The following CHN2 variants were observed in gnomAD, a reference collection of about 807,000 sequenced individuals.
CHN2 encodes beta-chimaerin.
In CHN2, 35 loss-of-function variants were observed where a neutral mutation model predicts 56.3. The observed-to-expected ratio is 0.62, with a 90% CI of 0.47 to 0.82. The LOEUF (loss-of-function observed/expected upper bound fraction) is 0.82, where lower values mean the gene tolerates loss of function less well. CHN2 is among the 40% of genes least tolerant of loss of function. CHN2 has a pLI of 0.00. For synonymous variants in CHN2, 210 were observed against 212.8 expected (o/e 0.99, Z 0.12); for missense variants, 491 against 580.5 (o/e 0.85, Z 1.58).
chr7:29,499,816 G>A (rs773149881), intron 8 of CHN2, 51 bp from the exon 9 acceptor site: 15 of 1,483,300 alleles, frequency 1.0e-5, no homozygotes, highest in Non-Finnish European at 1.3e-5. Flanking sequence ...AATTTGTGTT[G>A]TGCTTTGACA....
intron 1 of CHN2, among the ~76,000 whole-genome samples, chr7:29,223,369 C>T (rs1785946581): frequency 6.6e-6 from 1 of 152,132 alleles, no homozygotes; most frequent in South Asian, 2.1e-4. Flanking sequence ...CCTTCTCATA[C>T]CATCCAGGTA....
chr7:29,440,902 CTTA>C (rs1783599894), intron 6 of CHN2, among the ~76,000 whole-genome samples: 1 of 151,386 alleles, frequency 6.6e-6, no homozygotes. Context: ...GATACTAGAA[CTTA>C]TTTTTTGTTT....
intron 4 of CHN2, chr7:29,396,707 CCCCCCACACCCA>C (rs1275085132): frequency 2.5e-5 from 3 of 119,450 alleles, no homozygotes; most frequent in African/African-American, 9.4e-5. Context: ...GCATGTCCCT[CCCCCCACACCCA>C]CCCCCACACT....
intron 6 of CHN2, among the ~76,000 whole-genome samples, chr7:29,407,068 G>A (rs141642077): frequency 1.4e-4 from 21 of 152,212 alleles, no homozygotes; most frequent in African/African-American, 5.1e-4. Context: ...TCCTTCACTG[G>A]GCTAAGATCT....
At chr7:29,315,673 CA>C (rs1316199415) in intron 1 of CHN2, among the ~76,000 whole-genome samples, 1 of 152,034 alleles carries the variant, frequency 6.6e-6, no homozygotes. Context: ...ATAAACGATT[CA>C]TTTTTTTTTC....
At chr7:29,227,415 G>A (rs189711270) in intron 1 of CHN2, among the ~76,000 whole-genome samples, 190 of 152,288 alleles carry the variant, frequency 1.2e-3, no homozygotes, top group African/African-American at 4.3e-3. Flanking sequence ...CTGCTGTCTA[G>A]AACTACTCCT....
intron 2 of CHN2, among the ~76,000 whole-genome samples, chr7:29,158,807 A>G (rs1794783721): frequency 6.6e-6 from 1 of 152,200 alleles, no homozygotes; most frequent in South Asian, 2.1e-4. Flanking sequence ...CCTATTTTAA[A>G]TATTTACAGA....
At position 29,502,741 on chromosome 7, in the gene CHN2, A is replaced by AT. The variant is rs997639176; in HGVS notation, c.914-1992dup. Among the ~76,000 whole-genome samples the AT allele has an allele frequency of 9.5e-3, 1,394 of 146,586 alleles. 13 individuals are homozygous for AT. Among genetic ancestry groups the AT allele is most frequent in the Middle Eastern group, 0.031 (9 of 288 alleles). On this transcript the variant is annotated intron_variant, in intron 9 of 12. Coordinates refer to ENST00000222792, the MANE Select transcript of CHN2 (RefSeq NM_004067.4). ...ACTTGGCATATTATATAAGGCATAG[A>AT]TTTTTTTTTTTAAAAGTGACGGGAT...
intron 6 of CHN2, among the ~76,000 whole-genome samples, chr7:29,419,672 A>G (rs1804135657): frequency 6.6e-6 from 1 of 152,246 alleles, no homozygotes; most frequent in African/African-American, 2.4e-5. Context: ...CAATTTAAAA[A>G]TGGGCAAAGG....
At chr7:29,448,841 T>C (rs1784207993) in intron 6 of CHN2, among the ~76,000 whole-genome samples, 1 of 152,208 alleles carries the variant, frequency 6.6e-6, no homozygotes, top group African/African-American at 2.4e-5. Context: ...TGCTCTGTAT[T>C]ATAATTGTTT....
intron 6 of CHN2, among the ~76,000 whole-genome samples, chr7:29,462,552 A>G (rs1012927921): frequency 3.3e-5 from 5 of 152,118 alleles, no homozygotes; most frequent in African/African-American, 1.2e-4. Flanking sequence ...ACTCTCACAC[A>G]CTGATGTTAG....
intron 9 of CHN2, among the ~76,000 whole-genome samples, chr7:29,502,028 A>G (rs887717521): frequency 6.6e-6 from 1 of 152,196 alleles, no homozygotes; most frequent in Non-Finnish European, 1.5e-5. Flanking sequence ...GACTTGATAC[A>G]TAAATGGACC....
intron 1 of CHN2, among the ~76,000 whole-genome samples, chr7:29,233,582 T>G (rs1786890058): frequency 3.3e-5 from 5 of 152,082 alleles, no homozygotes; most frequent in Admixed American, 3.3e-4. Context: ...ATTAAGGAGA[T>G]TATCCTGGAT....
intron 6 of CHN2, among the ~76,000 whole-genome samples, chr7:29,406,603 TTCA>T (rs1802671181): frequency 6.6e-6 from 1 of 151,780 alleles, no homozygotes; most frequent in Non-Finnish European, 1.5e-5. Flanking sequence ...TTTATGAGAG[TTCA>T]TCACCCTGTG....
chr7:29,173,174 C>T (rs1006240084), intron 2 of CHN2, among the ~76,000 whole-genome samples: 1 of 146,224 alleles, frequency 6.8e-6, no homozygotes, highest in Non-Finnish European at 1.5e-5. Context: ...TTTAAAAAAA[C>T]ATTTTTAAAA....
chr7:29,289,878 AT>A (rs1214782537), intron 1 of CHN2, among the ~76,000 whole-genome samples: 1 of 152,222 alleles, frequency 6.6e-6, no homozygotes, highest in Non-Finnish European at 1.5e-5. Context: ...ATTCTTAGTT[AT>A]CAGGACAAGC....
chr7:29,361,895 C>G (rs1246310645), intron 2 of CHN2, among the ~76,000 whole-genome samples: 1 of 152,226 alleles, frequency 6.6e-6, no homozygotes, highest in African/African-American at 2.4e-5. Flanking sequence ...GTTATCTTAA[C>G]TCACACTTTC....
intron 1 of CHN2, among the ~76,000 whole-genome samples, chr7:29,325,205 C>T (rs1465021227): frequency 2.6e-5 from 4 of 152,302 alleles, no homozygotes; most frequent in African/African-American, 4.8e-5. Context: ...GATTCTGTCC[C>T]GCTCTGATGG....
intron 1 of CHN2, among the ~76,000 whole-genome samples, chr7:29,235,306 G>T (rs540236853): frequency 1.6e-4 from 24 of 152,256 alleles, no homozygotes; most frequent in African/African-American, 5.5e-4. Context: ...CAAACCATTA[G>T]AGAAATATAA....
Sources: allele counts gnomAD v4.1 joint callset (sites outside exome capture counted in the v4.1 genomes callset), GRCh38; gene constraint gnomAD v4.1.1; transcripts MANE v1.5; gene names NCBI Gene and HGNC (gene_info 2026-07-23, HGNC 2026-07-21).